BLTP3A: variants seen among roughly 807,000 people sequenced by gnomAD.
The protein encoded by BLTP3A is ICBP90 binding protein 1.
the BLTP3A span, among the ~76,000 whole-genome samples, chr6:34,815,068 G>A: frequency 6.6e-6 from 1 of 152,132 alleles, no homozygotes; most frequent in African/African-American, 2.4e-5. Flanking sequence ...GAGCAATGGG[G>A]ATAATAATGC....
the BLTP3A span, among the ~76,000 whole-genome samples, chr6:34,812,078 C>T: frequency 3.3e-5 from 5 of 151,804 alleles, no homozygotes; most frequent in Admixed American, 6.6e-5. Context: ...CCTGTAATTC[C>T]AGCACTTTGG....
the BLTP3A span, among the ~76,000 whole-genome samples, chr6:34,843,158 ATT>A: frequency 6.6e-6 from 1 of 151,734 alleles, no homozygotes; most frequent in East Asian, 1.9e-4. Context: ...TAATTTTTGT[ATT>A]TGTTGTAGAG....
the BLTP3A span, among the ~76,000 whole-genome samples, chr6:34,828,576 C>T: frequency 1.3e-5 from 2 of 151,722 alleles, no homozygotes; most frequent in African/African-American, 4.8e-5. Context: ...CTTTTGGAGG[C>T]AACATAGTTT....
chr6:34,834,344 A>G, the BLTP3A span: 1 of 1,614,012 alleles, frequency 6.2e-7, no homozygotes, highest in Non-Finnish European at 8.5e-7. Context: ...CTATAGTGTC[A>G]ACCCCAACTG....
At chr6:34,827,094 C>T in the BLTP3A span, among the ~76,000 whole-genome samples, 615 of 152,130 alleles carry the variant, frequency 4.0e-3, 4 homozygotes, top group Non-Finnish European at 7.2e-3. Context: ...GGGTGGATCA[C>T]GAGGTCAGGA....
At chr6:34,861,560 G>A in the BLTP3A span, among the ~76,000 whole-genome samples, 1 of 152,190 alleles carries the variant, frequency 6.6e-6, no homozygotes, top group African/African-American at 2.4e-5. Flanking sequence ...ACATTTGGGT[G>A]TATTTTCTTC....
At chr6:34,873,416 A>G in the BLTP3A span, 3 of 152,126 alleles carry the variant, frequency 2.0e-5, no homozygotes, top group South Asian at 2.1e-4. Context: ...AGCTGAATAT[A>G]TGTTTTAAAC....
chr6:34,872,328 A>G, the BLTP3A span: 8 of 1,609,294 alleles, frequency 5.0e-6, no homozygotes, highest in Non-Finnish European at 6.8e-6. Flanking sequence ...AGAACTGCCT[A>G]TCCTACAAAA....
the BLTP3A span, among the ~76,000 whole-genome samples, chr6:34,862,846 A>C: frequency 6.6e-6 from 1 of 151,596 alleles, no homozygotes; most frequent in Non-Finnish European, 1.5e-5. Flanking sequence ...AAAAAAAAAA[A>C]ACCAAAAACA....
the BLTP3A span, among the ~76,000 whole-genome samples, chr6:34,796,365 C>A: frequency 6.6e-6 from 1 of 152,054 alleles, no homozygotes; most frequent in Admixed American, 6.5e-5. Flanking sequence ...AAATGCCTAC[C>A]CTAGGCCAGG....
the BLTP3A span, among the ~76,000 whole-genome samples, chr6:34,846,690 A>G: frequency 6.6e-6 from 1 of 152,166 alleles, no homozygotes. Flanking sequence ...TTTCAAATAT[A>G]AGAGATCATA....
chr6:34,860,525 G>C, the BLTP3A span, among the ~76,000 whole-genome samples: 11 of 152,190 alleles, frequency 7.2e-5, no homozygotes, highest in African/African-American at 2.7e-4. Flanking sequence ...GGAGGAAGGA[G>C]AGGAAAACTT....
the BLTP3A span, among the ~76,000 whole-genome samples, chr6:34,862,867 A>T: frequency 6.7e-6 from 1 of 149,132 alleles, no homozygotes; most frequent in Non-Finnish European, 1.5e-5. Flanking sequence ...TAGTTTTCTG[A>T]GCCCTATTTC....
chr6:34,798,566 G>T, the BLTP3A span, among the ~76,000 whole-genome samples: 33 of 131,780 alleles, frequency 2.5e-4, no homozygotes, highest in Admixed American at 1.4e-3. Context: ...AGCCATTCTG[G>T]TGAATGTATT....
chr6:34,843,524 A>G, the BLTP3A span, among the ~76,000 whole-genome samples: 7 of 152,194 alleles, frequency 4.6e-5, no homozygotes, highest in Admixed American at 4.6e-4. Flanking sequence ...ATGCAGGCAT[A>G]CGATACATAA....
At chr6:34,857,897 C>T in the BLTP3A span, 7 of 1,613,574 alleles carry the variant, frequency 4.3e-6, no homozygotes, top group Non-Finnish European at 5.9e-6. Context: ...GGACATCCGA[C>T]TAGATGCATT....
the BLTP3A span, among the ~76,000 whole-genome samples, chr6:34,802,463 G>A: frequency 1.3e-5 from 2 of 151,206 alleles, no homozygotes; most frequent in African/African-American, 4.9e-5. Context: ...TCTGCCTCCC[G>A]GGTTCAAGCG....
chr6:34,862,165 C>G, the BLTP3A span, among the ~76,000 whole-genome samples: 1 of 150,460 alleles, frequency 6.6e-6, no homozygotes, highest in African/African-American at 2.4e-5. Flanking sequence ...GATCACGAGG[C>G]CAGGAGATGA....
chr6:34,842,586 G>A, the BLTP3A span, among the ~76,000 whole-genome samples: 1 of 152,056 alleles, frequency 6.6e-6, no homozygotes, highest in Non-Finnish European at 1.5e-5. Context: ...GCTCACACCT[G>A]TAATCCCAGC....
Sources: allele counts gnomAD v4.1 joint callset (sites outside exome capture counted in the v4.1 genomes callset), GRCh38; gene constraint gnomAD v4.1.1; transcripts MANE v1.5; gene names NCBI Gene and HGNC (gene_info 2026-07-23, HGNC 2026-07-21).